SDK1: variants seen among roughly 807,000 people sequenced by gnomAD.
SDK1 encodes sidekick cell adhesion molecule 1, also known as protein sidekick-1.
Under a neutral mutation model 245.5 loss-of-function variants are expected in SDK1, and 157 were observed. That is an observed-to-expected ratio of 0.64 (90% CI 0.56 to 0.73). The LOEUF is 0.73. SDK1 is among the 30% of genes least tolerant of loss of function. The pLI, the probability that SDK1 is intolerant of heterozygous loss-of-function variation, is 0.00. For missense variants in SDK1, 3,583 were observed against 3,002.3 expected (o/e 1.19, Z -4.52); for synonymous variants, 1,647 against 1,278.5 (o/e 1.29, Z -6.15).
intron 1 of SDK1, among the ~76,000 whole-genome samples, chr7:3,322,122 C>A (rs1345092971): frequency 6.6e-6 from 1 of 151,342 alleles, no homozygotes; most frequent in Non-Finnish European, 1.5e-5. Flanking sequence ...ACCTCTAGTT[C>A]CGGGACAGTT....
intron 1 of SDK1, among the ~76,000 whole-genome samples, chr7:3,323,918 C>T (rs997623392): frequency 1.3e-5 from 2 of 152,200 alleles, no homozygotes; most frequent in Non-Finnish European, 2.9e-5. Flanking sequence ...AAAATGTCAT[C>T]TTCTCTGTCT....
intron 22 of SDK1, among the ~76,000 whole-genome samples, chr7:4,099,468 C>G (rs983849174): frequency 7.6e-6 from 1 of 131,774 alleles, no homozygotes; most frequent in Non-Finnish European, 1.6e-5. Context: ...GTGTCACAGT[C>G]TCAGCGGGCT....
intron 1 of SDK1, among the ~76,000 whole-genome samples, chr7:3,520,358 G>C (rs914250518): frequency 2.0e-5 from 3 of 152,110 alleles, no homozygotes; most frequent in Non-Finnish European, 4.4e-5. Context: ...CTCTCTGTTT[G>C]CTCTATTGAG....
intron 4 of SDK1, among the ~76,000 whole-genome samples, chr7:3,665,799 G>C (rs3919653): frequency 0.22 from 33,652 of 152,122 alleles, 4,619 homozygotes; most frequent in Non-Finnish European, 0.31. Flanking sequence ...AAGTGATAAA[G>C]TTGATTCATG....
intron 1 of SDK1, among the ~76,000 whole-genome samples, chr7:3,507,310 G>A (rs571058722): frequency 6.6e-6 from 1 of 152,274 alleles, no homozygotes; most frequent in South Asian, 2.1e-4. Context: ...CCTGTATGCG[G>A]ATTTCTGGAC....
At chr7:3,532,429 C>T (rs1783379301) in intron 1 of SDK1, among the ~76,000 whole-genome samples, 1 of 152,146 alleles carries the variant, frequency 6.6e-6, no homozygotes, top group Admixed American at 6.5e-5. Flanking sequence ...AATGGGAGGT[C>T]ACTGACTCCT....
At chr7:3,894,616 G>T (rs774718437) in intron 5 of SDK1, among the ~76,000 whole-genome samples, 1 of 152,010 alleles carries the variant, frequency 6.6e-6, no homozygotes, top group Non-Finnish European at 1.5e-5. Context: ...ACAACATCAG[G>T]GCATCAGATC....
intron 4 of SDK1, among the ~76,000 whole-genome samples, chr7:3,817,269 A>C (rs1779531771): frequency 6.6e-6 from 1 of 152,136 alleles, no homozygotes; most frequent in Non-Finnish European, 1.5e-5. Context: ...GTCCATAGAT[A>C]CTCTTAAGGG....
chr7:3,906,398 G>C (rs1412139206), intron 5 of SDK1, among the ~76,000 whole-genome samples: 1 of 147,402 alleles, frequency 6.8e-6, no homozygotes, highest in Non-Finnish European at 1.5e-5. Context: ...GTGTGTGTGT[G>C]TGAGAGAGAG....
intron 4 of SDK1, among the ~76,000 whole-genome samples, chr7:3,709,853 C>T (rs1321568894): frequency 6.6e-6 from 1 of 152,210 alleles, no homozygotes; most frequent in African/African-American, 2.4e-5. Flanking sequence ...TCTCCTCCTG[C>T]TGTTTGTCAT....
chr7:3,990,584 C>T lies in SDK1; in HGVS notation c.2131+3262C>T, dbSNP rs540587040. 3.2e-4 allele frequency among the ~76,000 whole-genome samples: 48 copies of T among 152,300 alleles called. No homozygotes were observed. The Middle Eastern group carries it at 0.01, about 32-fold the overall frequency. On this transcript the variant is annotated intron_variant, in intron 14 of 44. Transcript: ENST00000404826. ...GGAGAGAATGGGACAGGGGAGAGCT[C>T]GTGTCATCTGAATTCTGGTTCGCAT...
At chr7:3,909,139 C>G (rs1779064431) in intron 5 of SDK1, among the ~76,000 whole-genome samples, 1 of 152,202 alleles carries the variant, frequency 6.6e-6, no homozygotes, top group African/African-American at 2.4e-5. Flanking sequence ...AGTATCTTGG[C>G]ATAAGTCAGA....
intron 1 of SDK1, among the ~76,000 whole-genome samples, chr7:3,526,465 C>T (rs1166363769): frequency 6.6e-6 from 1 of 152,168 alleles, no homozygotes; most frequent in Non-Finnish European, 1.5e-5. Flanking sequence ...AGCTCCCTTT[C>T]TATAACATAT....
intron 4 of SDK1, among the ~76,000 whole-genome samples, chr7:3,756,376 G>A (rs1583380344): frequency 1.3e-5 from 2 of 150,952 alleles, no homozygotes; most frequent in African/African-American, 4.9e-5. Context: ...CCTTTCACAT[G>A]GCATAGCACA....
At chr7:3,643,083 G>C (rs1471867551) in intron 4 of SDK1, 1 of 152,212 alleles carries the variant, frequency 6.6e-6, no homozygotes, top group Non-Finnish European at 1.5e-5. Context: ...GAAGCCTTGT[G>C]ATTCTCATCT....
At chr7:3,722,848 C>G (rs1433990791) in intron 4 of SDK1, among the ~76,000 whole-genome samples, 1 of 152,216 alleles carries the variant, frequency 6.6e-6, no homozygotes, top group Non-Finnish European at 1.5e-5. Flanking sequence ...TCTGACCACT[C>G]CCCTCCTGGC....
chr7:3,772,569 A>C (rs1780434417), intron 4 of SDK1, among the ~76,000 whole-genome samples: 1 of 152,238 alleles, frequency 6.6e-6, no homozygotes, highest in South Asian at 2.1e-4. Flanking sequence ...TAAAAAAAGT[A>C]TTAGCATCTT....
rs1487042872 is a variant in SDK1, at chr7:4,074,858, C to CTCTCTCTCTT, written c.3011-2131_3011-2130insTTCTCTCTCT. 7.2e-3 allele frequency among the ~76,000 whole-genome samples: 584 copies of CTCTCTCTCTT among 81,066 alleles called. 39 individuals are homozygous for CTCTCTCTCTT. Among genetic ancestry groups the CTCTCTCTCTT allele is most frequent in the African/African-American group, 0.055 (549 of 9,904 alleles). The allele number at this position is 81,066 out of a possible 152,430, so 53.2% of individuals were successfully genotyped here. On this transcript the variant is annotated intron_variant, in intron 20 of 44. Transcript: ENST00000404826. Reference sequence around the variant, plus strand: ...AGCCTGGGCAACAGAGCAAGACTTTCTCTCTCTCTCTCTCTCTCTCTCTCT... The same window carrying CTCTCTCTCTT: ...AGCCTGGGCAACAGAGCAAGACTTTCTCTCTCTCTTTCTCTCTCTCTCTCTCTCTCTCTCT...
chr7:3,391,412 A>G (rs78709597), intron 1 of SDK1, among the ~76,000 whole-genome samples: 7,684 of 152,156 alleles, frequency 0.051, 528 homozygotes, highest in African/African-American at 0.15. Flanking sequence ...AGGATGCCTC[A>G]TCTTAAGGAA....
Sources: allele counts gnomAD v4.1 joint callset (sites outside exome capture counted in the v4.1 genomes callset), GRCh38; gene constraint gnomAD v4.1.1; transcripts MANE v1.5; gene names NCBI Gene and HGNC (gene_info 2026-07-23, HGNC 2026-07-21).